Variants in SUPT3H observed in about 807,000 individuals in gnomAD.
SUPT3H encodes the protein transcription initiation protein SPT3 homolog.
A neutral mutation model predicts 44.3 loss-of-function variants in SUPT3H; 44 were observed. That is an observed-to-expected ratio of 0.99 (90% CI 0.78 to 1.28). The LOEUF is 1.28. Ranked by LOEUF, SUPT3H falls within the 50% of genes most tolerant of loss-of-function variation. The pLI is 0.00. For missense variants in SUPT3H, 380 were observed against 387.1 expected, an observed-to-expected ratio of 0.98 and a Z score of 0.15; for synonymous variants, 124 against 125.6, an observed-to-expected ratio of 0.99 and a Z score of 0.09.
At chr6:45,235,922 C>T (rs1346458016) in intron 2 of SUPT3H, among the ~76,000 whole-genome samples, 1 of 152,138 alleles carries the variant, frequency 6.6e-6, no homozygotes, top group Non-Finnish European at 1.5e-5. Flanking sequence ...TCCTAAACCA[C>T]AAATAATGGC....
chr6:45,308,717 TG>T (rs1308491666), intron 2 of SUPT3H, among the ~76,000 whole-genome samples: 3 of 147,880 alleles, frequency 2.0e-5, no homozygotes, highest in African/African-American at 7.6e-5. Context: ...GTTGTGCACA[TG>T]TACCCTAGAA....
intron 2 of SUPT3H, among the ~76,000 whole-genome samples, chr6:45,140,098 T>TC (rs1361913723): frequency 6.6e-6 from 1 of 151,900 alleles, no homozygotes; most frequent in East Asian, 1.9e-4. Flanking sequence ...CTACTGATTA[T>TC]CCCCCACTTC....
chr6:44,884,045 T>C (rs924271332), intron 10 of SUPT3H, among the ~76,000 whole-genome samples: 1 of 151,920 alleles, frequency 6.6e-6, no homozygotes, highest in African/African-American at 2.4e-5. Flanking sequence ...TTCTGCACAG[T>C]GAAAGAAACT....
intron 2 of SUPT3H, among the ~76,000 whole-genome samples, chr6:45,329,266 C>T (rs531517034): frequency 6.6e-6 from 1 of 151,856 alleles, no homozygotes; most frequent in Non-Finnish European, 1.5e-5. Context: ...AGAAATAAAC[C>T]TGTAGTACAG....
intron 3 of SUPT3H, among the ~76,000 whole-genome samples, chr6:45,043,425 A>G (rs558444738): frequency 2.2e-3 from 330 of 152,288 alleles, no homozygotes; most frequent in African/African-American, 7.6e-3. Context: ...TCACCCAAGT[A>G]GTGAGCATGG....
At chr6:45,373,939 CACA>C (rs1313688616) in intron 1 of SUPT3H, among the ~76,000 whole-genome samples, 1 of 152,284 alleles carries the variant, frequency 6.6e-6, no homozygotes, top group Non-Finnish European at 1.5e-5. Context: ...ACAAAATTTA[CACA>C]ACAATTTTTG....
chr6:45,136,457 T>C (rs935440307), intron 2 of SUPT3H, among the ~76,000 whole-genome samples: 3 of 152,186 alleles, frequency 2.0e-5, no homozygotes, highest in African/African-American at 7.2e-5. Context: ...AAGCAACTTA[T>C]TGACCTGGGA....
intron 2 of SUPT3H, among the ~76,000 whole-genome samples, chr6:45,260,092 A>T (rs190857628): frequency 2.2e-4 from 33 of 152,316 alleles, no homozygotes; most frequent in Admixed American, 4.6e-4. Flanking sequence ...TGCTTTCACC[A>T]GTAAAATTTA....
intron 9 of SUPT3H, among the ~76,000 whole-genome samples, chr6:44,934,492 T>C (rs1225902356): frequency 2.0e-5 from 3 of 152,182 alleles, no homozygotes; most frequent in Non-Finnish European, 2.9e-5. Context: ...GATCAAAAAC[T>C]GAAGTAGGAG....
intron 3 of SUPT3H, among the ~76,000 whole-genome samples, chr6:45,076,373 CTTTG>C (rs773577900): frequency 6.6e-6 from 1 of 152,028 alleles, no homozygotes; most frequent in Non-Finnish European, 1.5e-5. Context: ...GATCAGCTTC[CTTTG>C]TTTAACATTA....
chr6:45,174,733 CTAAAT>C (rs377201756), intron 2 of SUPT3H, among the ~76,000 whole-genome samples: 2,664 of 152,026 alleles, frequency 0.018, 50 homozygotes, highest in South Asian at 0.085. Context: ...TGTTCTGAAA[CTAAAT>C]TATATTCTCC....
At chr6:45,309,001 T>C (rs1783552475) in intron 2 of SUPT3H, among the ~76,000 whole-genome samples, 2 of 151,688 alleles carry the variant, frequency 1.3e-5, no homozygotes, top group Non-Finnish European at 2.9e-5. Context: ...GTGCACAATT[T>C]GGTTATGCAA....
intron 2 of SUPT3H, among the ~76,000 whole-genome samples, chr6:45,208,499 G>A (rs963164549): frequency 2.0e-5 from 3 of 152,182 alleles, no homozygotes; most frequent in African/African-American, 4.8e-5. Context: ...GCCAAGGCGG[G>A]CAGATCATAA....
At chr6:45,304,578 G>GGA (rs1782696897) in intron 2 of SUPT3H, among the ~76,000 whole-genome samples, 1 of 152,110 alleles carries the variant, frequency 6.6e-6, no homozygotes, top group African/African-American at 2.4e-5. Context: ...ACAGACCTCA[G>GGA]AAAGTTTCTG....
rs143102211 is a variant in SUPT3H at position 44,839,943 on chromosome 6, G to A, written c.913-10086C>T. Among the ~76,000 whole-genome samples the A allele has an allele frequency of 0.012, 1,731 of 148,978 alleles. 91 individuals are homozygous for A. The East Asian group carries it at 0.13, about 11-fold the overall frequency. ...TCTCGATCTCCTGACCTCGTGATCC[G>A]CCCGCCTTGGCCTCCCAAAGTGCTG... On this transcript the variant is annotated intron_variant, in intron 10 of 10. Coordinates refer to ENST00000371459, the MANE Select transcript of SUPT3H (RefSeq NM_003599.4).
chr6:44,944,782 A>AAAAAAC (rs1334030912), intron 9 of SUPT3H, among the ~76,000 whole-genome samples: 1 of 135,938 alleles, frequency 7.4e-6, no homozygotes, highest in Non-Finnish European at 1.7e-5. Context: ...AAAAAAAAAA[A>AAAAAAC]AAAGAAAAGA....
At chr6:45,076,624 T>C (rs575620549) in intron 3 of SUPT3H, among the ~76,000 whole-genome samples, 1 of 152,334 alleles carries the variant, frequency 6.6e-6, no homozygotes, top group South Asian at 2.1e-4. Context: ...AAAATAGTGA[T>C]ACAAGGTTAT....
At chr6:44,870,795 C>A (rs1176958868) in intron 10 of SUPT3H, among the ~76,000 whole-genome samples, 1 of 150,734 alleles carries the variant, frequency 6.6e-6, no homozygotes, top group Admixed American at 6.6e-5. Flanking sequence ...GTGCGCGCAC[C>A]CTGCGCGAGC....
chr6:45,183,516 G>A (rs1338090753), intron 2 of SUPT3H, among the ~76,000 whole-genome samples: 1 of 152,170 alleles, frequency 6.6e-6, no homozygotes, highest in Non-Finnish European at 1.5e-5. Flanking sequence ...AAAGAGAGAA[G>A]AAAAAGGTCC....
Sources: gnomAD v4.1 joint callset for allele counts (sites outside exome capture counted in the v4.1 genomes callset) on GRCh38, gnomAD v4.1.1 for gene constraint, MANE v1.5 for transcripts, NCBI Gene and HGNC (gene_info 2026-07-23, HGNC 2026-07-21) for gene names.